The following GLIS3 variants were observed in gnomAD, a reference collection of about 807,000 sequenced individuals.
GLIS3 encodes the protein zinc finger protein GLIS3.
Under a neutral mutation model 78.6 loss-of-function variants are expected in GLIS3, and 53 were observed. The ratio of observed to expected loss-of-function variants is 0.67; its 90% CI spans 0.54 to 0.85. The LOEUF (loss-of-function observed/expected upper bound fraction) is 0.85. Among genes scored for constraint, GLIS3 ranks in the 40% least tolerant of loss-of-function variants. The pLI, the probability that GLIS3 is intolerant of heterozygous loss-of-function variation, is 0.00. For synonymous variants in GLIS3, 684 were observed against 509.9 expected (o/e 1.34, Z -4.60); for missense variants, 1,703 against 1,231.1 (o/e 1.38, Z -5.74).
chr9:4,242,665 G>A (rs186935707), intron 2 of GLIS3, among the ~76,000 whole-genome samples: 15 of 152,242 alleles, frequency 9.9e-5, no homozygotes, highest in African/African-American at 3.1e-4. Flanking sequence ...CCAATAAGAA[G>A]CCACTAACTG....
the GLIS3 span, among the ~76,000 whole-genome samples, chr9:4,448,918 G>A: frequency 6.6e-6 from 1 of 152,200 alleles, no homozygotes; most frequent in African/African-American, 2.4e-5. Context: ...AGAAGACAGT[G>A]ATTTCTGCAT....
the GLIS3 span, among the ~76,000 whole-genome samples, chr9:4,466,563 C>A: frequency 6.6e-6 from 1 of 151,980 alleles, no homozygotes; most frequent in African/African-American, 2.4e-5. Flanking sequence ...TTTAATCTAA[C>A]AATATATATA....
chr9:4,025,731 CATA>C (rs1336480452), intron 4 of GLIS3, among the ~76,000 whole-genome samples: 1 of 152,100 alleles, frequency 6.6e-6, no homozygotes, highest in Non-Finnish European at 1.5e-5. Context: ...ATGAGTCTCA[CATA>C]ATTATTAAAA....
At chr9:3,908,529 C>T (rs1823876091) in intron 6 of GLIS3, among the ~76,000 whole-genome samples, 1 of 152,148 alleles carries the variant, frequency 6.6e-6, no homozygotes, top group South Asian at 2.1e-4. Flanking sequence ...CATTTTTATA[C>T]AATCTCCCAT....
intron 4 of GLIS3, among the ~76,000 whole-genome samples, chr9:3,991,511 C>T (rs16920306): frequency 0.036 from 5,493 of 152,000 alleles, 333 homozygotes; most frequent in African/African-American, 0.12. Flanking sequence ...AAATTAAACA[C>T]GTCTCGGAGT....
At chr9:4,168,910 G>A (rs984234957) in intron 2 of GLIS3, among the ~76,000 whole-genome samples, 3 of 152,164 alleles carry the variant, frequency 2.0e-5, no homozygotes, top group Non-Finnish European at 4.4e-5. Flanking sequence ...GTTAGATAAC[G>A]AGAAAATTTC....
chr9:4,224,563 C>T (rs1401621801), intron 2 of GLIS3, among the ~76,000 whole-genome samples: 4 of 152,118 alleles, frequency 2.6e-5, no homozygotes, highest in East Asian at 1.9e-4. Context: ...GTTTTCTCAC[C>T]GCATTGGCTA....
upstream of GLIS3, among the ~76,000 whole-genome samples, chr9:4,303,040 C>G (rs1004345517): frequency 1.3e-5 from 2 of 152,160 alleles, no homozygotes; most frequent in Admixed American, 6.5e-5. Flanking sequence ...TCCACTGTCT[C>G]ACAGCAATGA....
chr9:4,347,758 G>T (rs1817914233), intron 1 of GLIS3, among the ~76,000 whole-genome samples: 1 of 152,050 alleles, frequency 6.6e-6, no homozygotes, highest in East Asian at 1.9e-4. Flanking sequence ...GGGGGTTGGG[G>T]GAGTCTATCG....
rs190015493 is a variant in GLIS3 at position 4,165,034 on chromosome 9, T to C, written c.389-39093A>G. ...GGTTACTGGGACTTGTGGAAACCCA[T>C]GTAGGCTGTGTTTCATCCACACTGT... On this transcript the variant is annotated intron_variant, in intron 2 of 10. Transcript: ENST00000381971. 9.7e-4 allele frequency among the ~76,000 whole-genome samples: 147 copies of C among 152,284 alleles called. 1 individual carries two copies. The East Asian group carries it at 0.023, about 23-fold the overall frequency.
intron 4 of GLIS3, among the ~76,000 whole-genome samples, chr9:4,110,122 G>A (rs559061041): frequency 6.6e-6 from 1 of 152,278 alleles, no homozygotes; most frequent in African/African-American, 2.4e-5. Context: ...CTTGCACTCA[G>A]TGATCAAACG....
rs1362558453 is a variant in GLIS3 at position 3,825,057 on chromosome 9, C to T, written c.*3215G>A. ...TAATTAAATTGAAAATGTACAGTTA[C>T]TATTCCCAATACTTCAAGGCAACTG... On this transcript the variant is annotated 3_prime_UTR_variant, in exon 11 of 11. Coordinates refer to ENST00000381971, the MANE Select transcript of GLIS3 (RefSeq NM_001042413.2). The T allele has an allele frequency of 1.3e-5, 2 of 152,062 alleles. No individual in the cohort carries two copies. Among genetic ancestry groups the T allele is most frequent in the African/African-American group, 4.8e-5 (2 of 41,398 alleles). The allele number at this position is 152,062 out of a possible 1,614,324, so 9.4% of individuals were successfully genotyped here. A position where few individuals can be genotyped will look rare whatever the true frequency, so the allele number is the denominator to read the frequency against.
intron 4 of GLIS3, among the ~76,000 whole-genome samples, chr9:4,097,860 A>G (rs1253191827): frequency 6.6e-6 from 1 of 152,144 alleles, no homozygotes; most frequent in Non-Finnish European, 1.5e-5. Flanking sequence ...TAAGACACAC[A>G]CAAAAAAACC....
chr9:3,885,921 T>C (rs1231548177), intron 7 of GLIS3, among the ~76,000 whole-genome samples: 2 of 152,214 alleles, frequency 1.3e-5, no homozygotes, highest in Non-Finnish European at 2.9e-5. Flanking sequence ...GCAATGTGTC[T>C]AGGCAAATCA....
chr9:3,860,583 G>T (rs1820148758), intron 8 of GLIS3, among the ~76,000 whole-genome samples: 1 of 152,134 alleles, frequency 6.6e-6, no homozygotes, highest in Non-Finnish European at 1.5e-5. Flanking sequence ...TTAGGTTCAT[G>T]TGCAGAAAAA....
chr9:4,060,629 C>T (rs142991828), intron 4 of GLIS3, among the ~76,000 whole-genome samples: 35 of 152,240 alleles, frequency 2.3e-4, no homozygotes, highest in African/African-American at 8.2e-4. Context: ...AGACCCGTTG[C>T]CAGGTGATAC....
At chr9:4,079,290 T>C (rs967302064) in intron 4 of GLIS3, among the ~76,000 whole-genome samples, 18 of 152,170 alleles carry the variant, frequency 1.2e-4, no homozygotes, top group Admixed American at 6.5e-5. Context: ...CTTTGCAAAT[T>C]AAAAGATTGA....
chr9:4,138,216 A>G (rs980902801), intron 2 of GLIS3, among the ~76,000 whole-genome samples: 11 of 152,340 alleles, frequency 7.2e-5, no homozygotes, highest in African/African-American at 2.6e-4. Flanking sequence ...TTCCACAAAT[A>G]TAAGAAAGAA....
At chr9:3,979,792 C>T (rs73388210) in intron 4 of GLIS3, among the ~76,000 whole-genome samples, 2,298 of 152,222 alleles carry the variant, frequency 0.015, 55 homozygotes, top group African/African-American at 0.052. Context: ...TATTGAGTGC[C>T]TACTTTAAAA....
Sources: gnomAD v4.1 joint callset for allele counts (sites outside exome capture counted in the v4.1 genomes callset) on GRCh38, gnomAD v4.1.1 for gene constraint, MANE v1.5 for transcripts, NCBI Gene and HGNC (gene_info 2026-07-23, HGNC 2026-07-21) for gene names.